The following ODAD2 variants were observed in gnomAD, a reference collection of about 807,000 sequenced individuals.
ODAD2 encodes the protein outer dynein arm docking complex subunit 2.
A neutral mutation model predicts 106.8 loss-of-function variants in ODAD2; 89 were observed. The ratio of observed to expected loss-of-function variants is 0.83; its 90% CI spans 0.70 to 0.99. The LOEUF is 0.99. ODAD2 is among the 50% of genes least tolerant of loss of function. The probability of loss-of-function intolerance (pLI) is 0.00; values close to 1 mark genes in which losing one functional copy is unlikely to be tolerated. For synonymous variants in ODAD2, 404 were observed against 436.2 expected (o/e 0.93, Z 0.92); for missense variants, 1,168 against 1,238.5 (o/e 0.94, Z 0.85).
At chr10:27,903,727 G>A (rs11006769) in intron 17 of ODAD2, among the ~76,000 whole-genome samples, 67,481 of 151,936 alleles carry the variant, frequency 0.44, 16,697 homozygotes, top group Middle Eastern at 0.61. Flanking sequence ...AAATACCTAG[G>A]AATAGGGCCA....
chr10:27,939,220 A>T (rs955728541), intron 14 of ODAD2, among the ~76,000 whole-genome samples: 3 of 152,208 alleles, frequency 2.0e-5, no homozygotes, highest in Admixed American at 2.0e-4. Flanking sequence ...AGGACATATT[A>T]AAAGCAATAT....
chr10:27,856,110 T>C (rs539673353), intron 19 of ODAD2, among the ~76,000 whole-genome samples: 2 of 152,202 alleles, frequency 1.3e-5, no homozygotes, highest in African/African-American at 4.8e-5. Flanking sequence ...GGATATCTCT[T>C]AGACTTCTCA....
intron 16 of ODAD2, among the ~76,000 whole-genome samples, chr10:27,921,836 A>T (rs9299593): frequency 0.85 from 118,801 of 140,216 alleles, 48,744 homozygotes; most frequent in Middle Eastern, 0.91. Context: ...GCAGTATTTT[A>T]TTTTTTTTTT....
intron 16 of ODAD2, among the ~76,000 whole-genome samples, chr10:27,924,025 G>GA (rs1564509522): frequency 8.3e-5 from 5 of 59,922 alleles, no homozygotes; most frequent in African/African-American, 3.1e-4. Context: ...AAAGAAAGAA[G>GA]GAAAGAGAAA....
chr10:27,860,541 T>C, intron 19 of ODAD2, 84 bp downstream of exon 19: 1 of 1,311,298 alleles, frequency 7.6e-7, no homozygotes, highest in Non-Finnish European at 1.1e-6. Flanking sequence ...ATACCTCCTT[T>C]AGAGAAATCT....
chr10:27,904,275 G>A (rs1158605486), intron 17 of ODAD2: 3 of 403,984 alleles, frequency 7.4e-6, no homozygotes, highest in Middle Eastern at 9.3e-4. Context: ...ACCCCACAAA[G>A]TGGCACAGGA....
intron 17 of ODAD2, among the ~76,000 whole-genome samples, chr10:27,879,974 C>G (rs1389408108): frequency 6.6e-6 from 1 of 152,152 alleles, no homozygotes; most frequent in African/African-American, 2.4e-5. Flanking sequence ...GAGTTTAATG[C>G]AGAATTCCAG....
At chr10:27,982,669 G>C (rs1162475929) in intron 6 of ODAD2, among the ~76,000 whole-genome samples, 1 of 152,146 alleles carries the variant, frequency 6.6e-6, no homozygotes, top group Non-Finnish European at 1.5e-5. Context: ...AAGCCAACAT[G>C]TAACAACCCT....
intron 19 of ODAD2, among the ~76,000 whole-genome samples, chr10:27,830,877 A>G (rs1047711782): frequency 1.3e-5 from 2 of 152,264 alleles, no homozygotes; most frequent in African/African-American, 4.8e-5. Context: ...TCTTCAGTGC[A>G]CATCTTATAC....
At chr10:27,992,069 C>G (rs1440092852) in intron 2 of ODAD2, among the ~76,000 whole-genome samples, 1 of 152,084 alleles carries the variant, frequency 6.6e-6, no homozygotes, top group Non-Finnish European at 1.5e-5. Flanking sequence ...GGGAGTAGAC[C>G]AAGGGGCACG....
At chr10:27,936,429 C>T (rs1361173860) in intron 15 of ODAD2, among the ~76,000 whole-genome samples, 1 of 152,140 alleles carries the variant, frequency 6.6e-6, no homozygotes, top group Non-Finnish European at 1.5e-5. Flanking sequence ...TGATAGGTCC[C>T]CACAGAAAAT....
chr10:27,911,160 C>G (rs572639878), intron 16 of ODAD2, among the ~76,000 whole-genome samples: 4 of 152,264 alleles, frequency 2.6e-5, no homozygotes, highest in Admixed American at 2.6e-4. Context: ...CATATTAAAA[C>G]AGCAAAATCA....
intron 19 of ODAD2, among the ~76,000 whole-genome samples, chr10:27,829,758 T>C (rs1474045605): frequency 6.6e-6 from 1 of 152,196 alleles, no homozygotes; most frequent in African/African-American, 2.4e-5. Context: ...ATTTCATCTA[T>C]ATAAGAACTT....
intron 10 of ODAD2, chr10:27,959,118 CT>C: frequency 1.3e-6 from 1 of 744,518 alleles, no homozygotes; most frequent in Non-Finnish European, 1.9e-6. Flanking sequence ...AGGAAGACTG[CT>C]TGAGGCCAGG....
At chr10:27,923,996 AAGAAAGAAAG>A (rs1845000031) in intron 16 of ODAD2, among the ~76,000 whole-genome samples, 3 of 139,612 alleles carry the variant, frequency 2.1e-5, no homozygotes, top group African/African-American at 8.2e-5. Context: ...GAAAGAAAGA[AAGAAAGAAAG>A]AAAGAAAGAA....
chr10:27,948,735 G>GC (rs1457501808), intron 10 of ODAD2, among the ~76,000 whole-genome samples: 1 of 140,442 alleles, frequency 7.1e-6, no homozygotes, highest in African/African-American at 2.6e-5. Flanking sequence ...TTGTCTCCCT[G>GC]CCCCTTTTCT....
At chr10:27,858,592 G>A (rs1378314943) in intron 19 of ODAD2, among the ~76,000 whole-genome samples, 1 of 151,740 alleles carries the variant, frequency 6.6e-6, no homozygotes, top group African/African-American at 2.4e-5. Context: ...CTTTCTTATT[G>A]CCTTTCTTTT....
intron 7 of ODAD2, among the ~76,000 whole-genome samples, chr10:27,977,634 T>C (rs929422570): frequency 6.6e-6 from 1 of 152,024 alleles, no homozygotes. Flanking sequence ...AATATTTATA[T>C]TTCATGTATC....
intron 10 of ODAD2, among the ~76,000 whole-genome samples, chr10:27,953,369 G>A (rs942623614): frequency 7.9e-5 from 12 of 152,114 alleles, no homozygotes; most frequent in Non-Finnish European, 1.5e-4. Context: ...CTTGGCACTT[G>A]TATAGAACTC....
Sources: allele counts gnomAD v4.1 joint callset (sites outside exome capture counted in the v4.1 genomes callset), GRCh38; gene constraint gnomAD v4.1.1; transcripts MANE v1.5; gene names NCBI Gene and HGNC (gene_info 2026-07-23, HGNC 2026-07-21).